The following GLIPR2 variants were observed in gnomAD, a reference collection of about 807,000 sequenced individuals.
GLIPR2 encodes Golgi-associated plant pathogenesis-related protein 1.
A neutral mutation model predicts 20.4 loss-of-function variants in GLIPR2; 21 were observed. The ratio of observed to expected loss-of-function variants is 1.03; its 90% CI spans 0.73 to 1.48. The LOEUF is 1.48. Among genes scored for constraint, GLIPR2 ranks in the 40% most tolerant of loss-of-function variants. The probability of loss-of-function intolerance (pLI) is 0.00; values close to 1 mark genes in which losing one functional copy is unlikely to be tolerated. For synonymous variants in GLIPR2, 91 were observed against 80.5 expected (o/e 1.13, Z -0.70); for missense variants, 205 against 200.1 (o/e 1.02, Z -0.15).
intron 4 of GLIPR2, among the ~76,000 whole-genome samples, chr9:36,161,746 G>A (rs1390813817): frequency 6.6e-6 from 1 of 152,194 alleles, no homozygotes; most frequent in Non-Finnish European, 1.5e-5. Flanking sequence ...TTACAGCTTG[G>A]GGACAGGGTT....
chr9:36,152,461 C>T (rs1433027923), intron 4 of GLIPR2, among the ~76,000 whole-genome samples: 3 of 152,052 alleles, frequency 2.0e-5, no homozygotes, highest in Non-Finnish European at 2.9e-5. Context: ...TAGAAAGTGC[C>T]TCCATGGGCT....
chr9:36,148,467 C>A, intron 2 of GLIPR2, 80 bp from the exon 3 acceptor site: 1 of 1,007,682 alleles, frequency 9.9e-7, no homozygotes, highest in Non-Finnish European at 1.6e-6. Context: ...GAAGGAAGCT[C>A]AGCCACACTA....
At chr9:36,137,516 A>C (rs752351) in intron 1 of GLIPR2, among the ~76,000 whole-genome samples, 58,665 of 151,930 alleles carry the variant, frequency 0.39, 12,093 homozygotes, top group African/African-American at 0.54. Context: ...TCACCACCCC[A>C]ACTCTCAGCC....
chr9:36,163,144 GA>G lies in GLIPR2; in HGVS notation c.*629del, dbSNP rs138308794. Reference sequence around the variant, plus strand: ...ATGGGGTCGCCAAACAACAAATGGAGAAAAAAAGTTTTACTTCCTTGCATTC... The same window carrying G: ...ATGGGGTCGCCAAACAACAAATGGAGAAAAAAGTTTTACTTCCTTGCATTC... On this transcript the variant is annotated 3_prime_UTR_variant, in exon 5 of 5. Transcript: ENST00000377960. 3.7e-6 allele frequency: 1 copy of G among 267,206 alleles called. No individual in the cohort carries two copies. Among genetic ancestry groups the G allele is most frequent in the South Asian group, 3.2e-5 (1 of 30,972 alleles). 16.6% of individuals were successfully genotyped at this position (267,206 alleles called of 1,614,324 possible).
chr9:36,151,911 ACT>A (rs977791164), intron 4 of GLIPR2, among the ~76,000 whole-genome samples: 5 of 151,712 alleles, frequency 3.3e-5, no homozygotes, highest in Non-Finnish European at 5.9e-5. Context: ...AGAAAAAGGG[ACT>A]CTCTGCCCAC....
Position 36,136,773 on chromosome 9 carries a change from C to A in GLIPR2, c.-6C>A. The A allele has an allele frequency of 7.7e-7, 1 of 1,295,754 alleles. No individual in the cohort carries two copies. Among genetic ancestry groups the A allele is most frequent in the Non-Finnish European group, 9.8e-7 (1 of 1,024,580 alleles). The allele number at this position is 1,295,754 out of a possible 1,614,324, so 80.3% of individuals were successfully genotyped here. On this transcript the variant is annotated 5_prime_UTR_variant, in exon 1 of 5. Transcript: ENST00000377960. The surrounding 1 kb of genome is among the most constrained non-coding windows in gnomAD (Gnocchi z 4.3). ...CGCGGGGAGCGAGGAGCGCGCGGAGCCGGCCATGGGCAAGTCAGGTGAGCC... is the reference window on the plus strand; with the variant it reads ...CGCGGGGAGCGAGGAGCGCGCGGAGACGGCCATGGGCAAGTCAGGTGAGCC...
intron 4 of GLIPR2, among the ~76,000 whole-genome samples, chr9:36,155,500 AG>A (rs1253518031): frequency 6.6e-6 from 1 of 152,122 alleles, no homozygotes; most frequent in Non-Finnish European, 1.5e-5. Context: ...AGGCTGAGGC[AG>A]GAGAATCACT....
At chr9:36,150,825 G>A (rs780978045) in intron 3 of GLIPR2, 47 bp from the exon 4 acceptor site, 28 of 1,373,870 alleles carry the variant, frequency 2.0e-5, no homozygotes, top group Non-Finnish European at 1.7e-5. Flanking sequence ...AATAGGGAGT[G>A]GGTGGATTTT....
chr9:36,162,759 A>T lies in GLIPR2; in HGVS notation c.*237A>T. ...GGTTACCTAGACCACGATTATTTGG[A>T]TTGGGGGGAGGGGGGATCCGTTTTT... On this transcript the variant is annotated 3_prime_UTR_variant, in exon 5 of 5. Coordinates refer to ENST00000377960, the MANE Select transcript of GLIPR2 (RefSeq NM_022343.4). 4.0e-6 allele frequency: 2 copies of T among 502,356 alleles called. No individual in the cohort carries two copies. The highest frequency in any genetic ancestry group is 7.1e-6 in the Non-Finnish European group (2 of 279,724). 31.1% of individuals were successfully genotyped at this position (502,356 alleles called of 1,614,324 possible).
chr9:36,136,725 G>C, upstream of GLIPR2: 1 of 1,188,228 alleles, frequency 8.4e-7, no homozygotes, highest in Non-Finnish European at 1.1e-6. The surrounding 1 kb of genome is among the most constrained non-coding windows in gnomAD (Gnocchi z 4.3). Flanking sequence ...GCGCTGGGCC[G>C]GGCGAGCGCA....
chr9:36,156,580 G>T (rs1235200286), intron 4 of GLIPR2, among the ~76,000 whole-genome samples: 1 of 152,058 alleles, frequency 6.6e-6, no homozygotes, highest in African/African-American at 2.4e-5. Flanking sequence ...CTTAGACCAG[G>T]GGACCCCAAC....
chr9:36,161,164 G>C (rs1441427687), intron 4 of GLIPR2, among the ~76,000 whole-genome samples: 2 of 152,218 alleles, frequency 1.3e-5, no homozygotes, highest in Admixed American at 1.3e-4. Context: ...CAAGGGTTTG[G>C]GAGTGGGTGG....
At position 36,150,897 on chromosome 9, in the gene GLIPR2, C is replaced by T. The variant is rs1825556654; in HGVS notation, c.252C>T (p.Tyr84=). The T allele has an allele frequency of 6.2e-7, 1 of 1,613,552 alleles. No individual in the cohort carries two copies. The highest frequency in any genetic ancestry group is 1.7e-5 in the Admixed American group (1 of 59,984). The change falls in exon 4 of 5, where the codon TAC becomes TAT. Residue 84 remains tyrosine, a synonymous_variant. Coordinates refer to ENST00000377960, the MANE Select transcript of GLIPR2 (RefSeq NM_022343.4). ...QTGKEVADRW[Y]SEIKNYNFQQ... The stretch of plus-strand genomic sequence containing the variant: ...GAAAGGAGGTGGCTGATAGATGGTA[C>T]AGTGAAATCAAGAACTATAACTTCC...
intron 1 of GLIPR2, among the ~76,000 whole-genome samples, chr9:36,138,886 G>C (rs1824945631): frequency 6.6e-6 from 1 of 152,170 alleles, no homozygotes; most frequent in African/African-American, 2.4e-5. Flanking sequence ...AGAGGGTCTT[G>C]GGAATTTAGA....
Position 36,148,658 on chromosome 9 carries a change from G to A in GLIPR2, c.226+8G>A, listed in dbSNP as rs371773570. On this transcript the variant is annotated splice_region_variant and intron_variant, in intron 3 of 4. Transcript: ENST00000377960. ...CATCCTATGATCAGACAGGTGGGTC[G>A]CATTTTCAGCTCCTCTCCTCTCTGC... is the stretch of plus-strand genomic sequence containing the variant. 1.0e-4 allele frequency: 160 copies of A among 1,575,130 alleles called. 2 individuals are homozygous for A. The South Asian group carries it at 1.1e-3, about 11-fold the overall frequency.
intron 4 of GLIPR2, among the ~76,000 whole-genome samples, chr9:36,154,090 T>G: frequency 7.9e-6 from 1 of 127,040 alleles, no homozygotes. Context: ...ATATTATATA[T>G]ATATATCTTT....
At chr9:36,156,516 C>T (rs1317010802) in intron 4 of GLIPR2, among the ~76,000 whole-genome samples, 1 of 152,084 alleles carries the variant, frequency 6.6e-6, no homozygotes, top group East Asian at 1.9e-4. Context: ...GCAATCATCG[C>T]CACCATCCAT....
intron 1 of GLIPR2, among the ~76,000 whole-genome samples, chr9:36,143,554 T>C (rs1825185744): frequency 6.6e-6 from 1 of 152,234 alleles, no homozygotes; most frequent in Non-Finnish European, 1.5e-5. Context: ...GTGTCACCTA[T>C]ACGGGCCCTT....
chr9:36,147,832 C>T lies in GLIPR2; in HGVS notation c.60C>T (p.Tyr20=). Residue 20 remains tyrosine, a synonymous_variant, in exon 2 of 5, where the codon TAC becomes TAT. Transcript: ENST00000377960. ...HNEVLKAHNE[Y]RQKHGVPPLK... ...AGGTCCTGAAGGCCCACAATGAGTACCGGCAGAAGCACGGCGTCCCCCCAC... is the reference window on the plus strand; with the variant it reads ...AGGTCCTGAAGGCCCACAATGAGTATCGGCAGAAGCACGGCGTCCCCCCAC... 2 of 1,601,556 alleles carry T rather than the reference C, an allele frequency of 1.2e-6. No homozygotes were observed. The highest frequency in any genetic ancestry group is 8.6e-7 in the Non-Finnish European group (1 of 1,168,598).
Sources: allele counts gnomAD v4.1 joint callset (sites outside exome capture counted in the v4.1 genomes callset), GRCh38; gene constraint gnomAD v4.1.1; non-coding constraint Gnocchi (gnomAD v3.1); transcripts MANE v1.5; gene names NCBI Gene and HGNC (gene_info 2026-07-23, HGNC 2026-07-21).